The following NR3C2 variants were observed in gnomAD, a reference collection of about 807,000 sequenced individuals.
The protein encoded by NR3C2 is nuclear receptor subfamily 3 group C member 2, also known as mineralocorticoid receptor.
Under a neutral mutation model 86.4 loss-of-function variants are expected in NR3C2, and 15 were observed. The ratio of observed to expected loss-of-function variants is 0.17; its 90% confidence interval spans 0.12 to 0.27. The LOEUF (loss-of-function observed/expected upper bound fraction) is 0.27, where lower values mean the gene tolerates loss of function less well. Among genes scored for constraint, NR3C2 ranks in the 10% least tolerant of loss-of-function variants. The pLI is 1.00. For missense variants in NR3C2, 960 were observed against 1,195.6 expected, an observed-to-expected ratio of 0.80 and a Z score of 2.91; for synonymous variants, 458 against 450.5, an observed-to-expected ratio of 1.02 and a Z score of -0.21.
intron 3 of NR3C2, among the ~76,000 whole-genome samples, chr4:148,234,214 G>T (rs1036407517): frequency 6.6e-6 from 1 of 152,154 alleles, no homozygotes; most frequent in Non-Finnish European, 1.5e-5. Context: ...GTAACAATAT[G>T]TTCAGTTTCT....
chr4:148,364,284 G>A (rs1296390894), intron 2 of NR3C2, among the ~76,000 whole-genome samples: 3 of 152,166 alleles, frequency 2.0e-5, no homozygotes, highest in South Asian at 2.1e-4. Flanking sequence ...TGAAACATGC[G>A]CTTTTCTCCC....
intron 2 of NR3C2, among the ~76,000 whole-genome samples, chr4:148,264,239 T>G (rs1004480706): frequency 6.6e-6 from 1 of 152,154 alleles, no homozygotes; most frequent in Non-Finnish European, 1.5e-5. Flanking sequence ...ATAGATGGGT[T>G]TGGAAAACTC....
chr4:148,409,443 C>T (rs1397763151), intron 2 of NR3C2, among the ~76,000 whole-genome samples: 1 of 152,094 alleles, frequency 6.6e-6, no homozygotes, highest in Non-Finnish European at 1.5e-5. Flanking sequence ...GTCACATGTT[C>T]CCAAGTCTTC....
At chr4:148,106,500 T>C (rs1006145669) in intron 8 of NR3C2, among the ~76,000 whole-genome samples, 1 of 152,148 alleles carries the variant, frequency 6.6e-6, no homozygotes, top group Non-Finnish European at 1.5e-5. Context: ...CTTTGCAGAA[T>C]TAGAAAAAAC....
At chr4:148,390,127 T>TA (rs61378271) in intron 2 of NR3C2, among the ~76,000 whole-genome samples, 5,159 of 127,128 alleles carry the variant, frequency 0.041, 356 homozygotes, top group African/African-American at 0.14. Flanking sequence ...ATACATTCCT[T>TA]AAAAAAAAAA....
intron 3 of NR3C2, among the ~76,000 whole-genome samples, chr4:148,196,334 G>T (rs1304353486): frequency 1.3e-5 from 2 of 152,218 alleles, no homozygotes; most frequent in Non-Finnish European, 2.9e-5. Context: ...AGAGAAGCCT[G>T]ATCAGCATCC....
intron 2 of NR3C2, among the ~76,000 whole-genome samples, chr4:148,277,276 G>T (rs1173695454): frequency 6.6e-6 from 1 of 152,162 alleles, no homozygotes; most frequent in African/African-American, 2.4e-5. Context: ...ACGAATACCT[G>T]AAGAGGATAT....
At chr4:148,115,153 TTTC>T (rs1342455325) in intron 7 of NR3C2, among the ~76,000 whole-genome samples, 7 of 152,202 alleles carry the variant, frequency 4.6e-5, no homozygotes, top group African/African-American at 1.4e-4. Flanking sequence ...AGGACAATAT[TTTC>T]TTCTTTCCTT....
At chr4:148,119,300 G>A (rs1001020394) in intron 7 of NR3C2, among the ~76,000 whole-genome samples, 1 of 151,980 alleles carries the variant, frequency 6.6e-6, no homozygotes, top group African/African-American at 2.4e-5. Flanking sequence ...TTCCCCACAG[G>A]TCCACACTCA....
intron 2 of NR3C2, among the ~76,000 whole-genome samples, chr4:148,284,278 T>C (rs1389255960): frequency 6.6e-6 from 1 of 152,072 alleles, no homozygotes; most frequent in Non-Finnish European, 1.5e-5. Context: ...AACCCTCTAC[T>C]CTGAAGGAGT....
Position 148,435,996 on chromosome 4 carries a change from T to C in NR3C2, c.865A>G (p.Asn289Asp). Residue 289 changes from asparagine to aspartate, a missense_variant, in exon 2 of 9, where the codon AAT (asparagine) becomes GAT (aspartate). Physicochemically the swap from Asn to Asp is conservative, Grantham distance 23. Transcript: ENST00000358102. ...ACAGAGGATCTCAGAGTGACATTAT[T>C]GGGACTGGAGACTGGAGATTTTACA... The part of the protein sequence containing the change: ...CSVKSPVSSP[N>D]NVTLRSSVSS... The C allele has an allele frequency of 6.2e-7, 1 of 1,614,202 alleles. No homozygotes were observed. The highest frequency in any genetic ancestry group is 1.3e-5 in the African/African-American group (1 of 75,060).
intron 2 of NR3C2, among the ~76,000 whole-genome samples, chr4:148,280,705 A>G (rs1192462211): frequency 6.6e-6 from 1 of 152,050 alleles, no homozygotes; most frequent in African/African-American, 2.4e-5. Context: ...GGGTCTCACT[A>G]TGTTGTCCAG....
chr4:148,395,928 T>C (rs565754642), intron 2 of NR3C2, among the ~76,000 whole-genome samples: 2 of 152,310 alleles, frequency 1.3e-5, no homozygotes, highest in African/African-American at 4.8e-5. Flanking sequence ...CTGCCCTCAG[T>C]ATACTTACAG....
At chr4:148,253,015 A>G (rs1468406005) in intron 3 of NR3C2, among the ~76,000 whole-genome samples, 1 of 151,168 alleles carries the variant, frequency 6.6e-6, no homozygotes, top group Non-Finnish European at 1.5e-5. Flanking sequence ...TTAAGCTACA[A>G]GCAGCTGTCT....
intron 4 of NR3C2, among the ~76,000 whole-genome samples, chr4:148,170,890 T>G (rs1316648511): frequency 2.0e-5 from 3 of 152,150 alleles, no homozygotes; most frequent in Non-Finnish European, 4.4e-5. Flanking sequence ...AATATCAGGT[T>G]TATTATCACA....
rs1745000066 is a variant in NR3C2 at position 148,346,512 on chromosome 4, A to C, written c.1758-86395T>G. ...TGGATCATGGGTTTAGAGCCCAGTG[A>C]AAGTTATGGACTAAAGACAAATACT... On this transcript the variant is annotated intron_variant, in intron 2 of 8. Coordinates refer to ENST00000358102, the MANE Select transcript of NR3C2 (RefSeq NM_000901.5). 2.0e-5 allele frequency among the ~76,000 whole-genome samples: 3 copies of C among 152,180 alleles called. 1 individual carries two copies. The South Asian group carries it at 6.2e-4, about 32-fold the overall frequency.
chr4:148,431,357 ACT>A (rs1156305472), intron 2 of NR3C2, among the ~76,000 whole-genome samples: 1 of 152,062 alleles, frequency 6.6e-6, no homozygotes, highest in Non-Finnish European at 1.5e-5. Flanking sequence ...GTTAAAGGAT[ACT>A]CTATTTTGAT....
At chr4:148,391,988 T>G (rs1331594457) in intron 2 of NR3C2, among the ~76,000 whole-genome samples, 6 of 152,084 alleles carry the variant, frequency 3.9e-5, no homozygotes, top group Admixed American at 1.3e-4. Context: ...ATAAAAACTT[T>G]ATGTATTTCA....
At chr4:148,395,439 C>T (rs970283673) in intron 2 of NR3C2, among the ~76,000 whole-genome samples, 1 of 152,142 alleles carries the variant, frequency 6.6e-6, no homozygotes, top group African/African-American at 2.4e-5. Flanking sequence ...CACGGCAACA[C>T]GGAGTCATAG....
Sources: allele counts gnomAD v4.1 joint callset (sites outside exome capture counted in the v4.1 genomes callset), GRCh38; gene constraint gnomAD v4.1.1; transcripts MANE v1.5; gene names NCBI Gene and HGNC (gene_info 2026-07-23, HGNC 2026-07-21).